The following HTR4 variants were observed in gnomAD, a reference collection of about 807,000 sequenced individuals.
HTR4 encodes the protein 5-hydroxytryptamine (serotonin) receptor 4, G protein-coupled.
In HTR4, 16 loss-of-function variants were observed where a neutral mutation model predicts 36.8. The ratio of observed to expected loss-of-function variants is 0.43; its 90% CI spans 0.29 to 0.66. The LOEUF is 0.66. Ranked by LOEUF, HTR4 falls within the 30% of genes least tolerant of loss-of-function variation. The pLI, the probability that HTR4 is intolerant of heterozygous loss-of-function variation, is 0.13. For synonymous variants in HTR4, 189 were observed against 185.1 expected, an observed-to-expected ratio of 1.02 and a Z score of -0.17; for missense variants, 438 against 490.9, an observed-to-expected ratio of 0.89 and a Z score of 1.02.
chr5:148,575,219 A>G (rs1443074771), intron 2 of HTR4, among the ~76,000 whole-genome samples: 1 of 152,032 alleles, frequency 6.6e-6, no homozygotes, highest in Non-Finnish European at 1.5e-5. Flanking sequence ...TCCCCTGATC[A>G]ATTACAAGAG....
intron 2 of HTR4, among the ~76,000 whole-genome samples, chr5:148,609,764 C>A (rs1752333529): frequency 6.6e-6 from 1 of 151,978 alleles, no homozygotes; most frequent in South Asian, 2.1e-4. Flanking sequence ...GACGGGGTTT[C>A]ACCGTGTTAG....
chr5:148,505,491 C>T (rs1757149666), intron 6 of HTR4, among the ~76,000 whole-genome samples: 1 of 152,174 alleles, frequency 6.6e-6, no homozygotes, highest in Non-Finnish European at 1.5e-5. Context: ...CTCACCACTC[C>T]TATTCAACAT....
chr5:148,539,067 G>C (rs933680694), intron 4 of HTR4, among the ~76,000 whole-genome samples: 7 of 151,938 alleles, frequency 4.6e-5, no homozygotes, highest in Non-Finnish European at 1.0e-4. Flanking sequence ...TCAGAGATAA[G>C]ACCACACACC....
At chr5:148,479,665 C>T (rs1243946602), downstream of HTR4, among the ~76,000 whole-genome samples, 2 of 152,254 alleles carry the variant, frequency 1.3e-5, no homozygotes, top group South Asian at 4.1e-4. Context: ...GATTCTAGGA[C>T]CTTCAAAGCC....
In HTR4 at chr5:148,636,994, A is replaced by C. The variant is rs200011242; in HGVS notation, c.21T>G (p.Asn7Lys). Reference sequence around the variant, plus strand: ...TGTACAGAAAGGTAACATACCTCACATTAGCATCAAGTTTGTCCATTACAG... The same window carrying C: ...TGTACAGAAAGGTAACATACCTCACCTTAGCATCAAGTTTGTCCATTACAG... Reference protein sequence around the residue: MDKLDANVSSEEGFGSV... With the variant: MDKLDAKVSSEEGFGSV... The change falls in exon 2 of 7, where the codon AAT (asparagine) becomes AAG (lysine). Residue 7 changes from asparagine (N) to lysine (K), a missense_variant. Coordinates refer to ENST00000377888, the MANE Select transcript of HTR4 (RefSeq NM_000870.7). The C allele has an allele frequency of 6.3e-7, 1 of 1,597,640 alleles. No homozygotes were observed. Among genetic ancestry groups the C allele is most frequent in the Non-Finnish European group, 8.6e-7 (1 of 1,165,446 alleles).
At chr5:148,499,876 C>T (rs1212616409) in intron 6 of HTR4, among the ~76,000 whole-genome samples, 3 of 152,170 alleles carry the variant, frequency 2.0e-5, no homozygotes, top group African/African-American at 7.2e-5. Context: ...TCTCCCTCCT[C>T]TCTTTCTCTC....
intron 6 of HTR4, among the ~76,000 whole-genome samples, chr5:148,502,403 T>C (rs573861938): frequency 2.6e-5 from 4 of 152,304 alleles, no homozygotes; most frequent in African/African-American, 7.2e-5. Flanking sequence ...GAGTGTTAAC[T>C]CCAGCAAACT....
intron 2 of HTR4, among the ~76,000 whole-genome samples, chr5:148,566,384 A>G (rs565874616): frequency 2.6e-5 from 4 of 152,320 alleles, no homozygotes; most frequent in African/African-American, 9.6e-5. Flanking sequence ...CCATCTCAAG[A>G]AAATAACTAA....
At chr5:148,548,921 A>C (rs1310598707) in intron 3 of HTR4, 53 bp from the exon 4 acceptor site, 1 of 1,256,818 alleles carries the variant, frequency 8.0e-7, no homozygotes, top group Non-Finnish European at 1.2e-6. Context: ...GAAGGGAAAA[A>C]GGGGAGGGAG....
chr5:148,639,617 G>GTATA (rs370514542), intron 1 of HTR4, among the ~76,000 whole-genome samples: 17,947 of 111,562 alleles, frequency 0.16, 1,629 homozygotes, highest in Non-Finnish European at 0.18. Context: ...TTTCTTCCCA[G>GTATA]TATATATATA....
chr5:148,516,971 G>A (rs723180), intron 5 of HTR4, among the ~76,000 whole-genome samples: 39,598 of 152,006 alleles, frequency 0.26, 5,865 homozygotes, highest in Non-Finnish European at 0.34. Context: ...AGGCCCCAAA[G>A]GAAATAGTAG....
chr5:148,594,313 A>C (rs1761685926), intron 2 of HTR4, among the ~76,000 whole-genome samples: 1 of 151,436 alleles, frequency 6.6e-6, no homozygotes, highest in Admixed American at 6.6e-5. Context: ...GAGATCAATA[A>C]GTTCTTTTCT....
chr5:148,581,424 T>A (rs1248851016), intron 2 of HTR4, among the ~76,000 whole-genome samples: 2 of 142,676 alleles, frequency 1.4e-5, no homozygotes, highest in African/African-American at 5.6e-5. Flanking sequence ...CTGAGATCAA[T>A]GACAAGAAGC....
chr5:148,484,300 A>G (rs1205577263), intron 6 of HTR4: 8 of 1,613,692 alleles, frequency 5.0e-6, no homozygotes, highest in East Asian at 2.2e-5. Flanking sequence ...CTAATGCTCA[A>G]TGTGCCTGAG....
intron 4 of HTR4, among the ~76,000 whole-genome samples, chr5:148,525,836 T>C (rs1326834804): frequency 1.3e-5 from 2 of 152,194 alleles, no homozygotes; most frequent in Non-Finnish European, 2.9e-5. Context: ...TATTTAGACA[T>C]AGGATTTTAA....
chr5:148,471,823 G>A (rs536901908), downstream of HTR4, among the ~76,000 whole-genome samples: 24 of 152,278 alleles, frequency 1.6e-4, no homozygotes, highest in South Asian at 4.6e-3. Flanking sequence ...GATTTTTAGG[G>A]AAAAGATCAT....
intron 6 of HTR4, among the ~76,000 whole-genome samples, chr5:148,492,148 G>A (rs1340049413): frequency 6.6e-6 from 1 of 152,194 alleles, no homozygotes; most frequent in Non-Finnish European, 1.5e-5. Context: ...TGCGAGCGCT[G>A]ATCTCTGAGG....
At chr5:148,465,747 G>T in intron 5 of HTR4, 1 of 1,458,572 alleles carries the variant, frequency 6.9e-7, no homozygotes, top group Non-Finnish European at 9.1e-7. Flanking sequence ...CCTTAACTTT[G>T]TCCTGTGAGG....
intron 2 of HTR4, among the ~76,000 whole-genome samples, chr5:148,589,740 A>G (rs1465066936): frequency 1.3e-5 from 2 of 152,060 alleles, no homozygotes; most frequent in Non-Finnish European, 2.9e-5. Flanking sequence ...TATATAATAT[A>G]TATGTATTTA....
Sources: gnomAD v4.1 joint callset for allele counts (sites outside exome capture counted in the v4.1 genomes callset) on GRCh38, gnomAD v4.1.1 for gene constraint, MANE v1.5 for transcripts, NCBI Gene and HGNC (gene_info 2026-07-23, HGNC 2026-07-21) for gene names.